The following SIPA1L1 variants were observed in gnomAD, a reference collection of about 807,000 sequenced individuals.
SIPA1L1 encodes the protein signal induced proliferation associated 1 like 1.
In SIPA1L1, 26 loss-of-function variants were observed where a neutral mutation model predicts 162.7. The ratio of observed to expected loss-of-function variants is 0.16; its 90% CI spans 0.12 to 0.22. SIPA1L1 has a LOEUF of 0.22. Ranked by LOEUF, SIPA1L1 falls within the 10% of genes least tolerant of loss-of-function variation. SIPA1L1 has a pLI of 1.00. For synonymous variants in SIPA1L1, 829 were observed against 837.4 expected, an observed-to-expected ratio of 0.99 and a Z score of 0.17; for missense variants, 1,874 against 2,241.0, an observed-to-expected ratio of 0.84 and a Z score of 3.31.
rs148958695 is a variant in SIPA1L1 at position 71,588,042 on chromosome 14, C to T, written c.170C>T (p.Pro57Leu). ...GSSVMAPVGP[P>L]RSEGSHHITS... ...TCAGTTATGGCTCCTGTAGGACCCCCCCGAAGTGAAGGTTCTCACCATATA... is the reference window on the plus strand; with the variant it reads ...TCAGTTATGGCTCCTGTAGGACCCCTCCGAAGTGAAGGTTCTCACCATATA... The change falls in exon 5 of 24, where the codon CCC (proline) becomes CTC (leucine). Residue 57 changes from proline (P) to leucine (L), a missense_variant. Pro to Leu is a moderately conservative substitution (Grantham distance 98). This residue lies in a region of SIPA1L1 where 685 missense variants were observed against 828.0 expected (regional missense o/e 0.83). Coordinates refer to ENST00000381232, the MANE Select transcript of SIPA1L1 (RefSeq NM_001386936.1). The surrounding 1 kb of genome is among the most constrained non-coding windows in gnomAD (Gnocchi z 4.3). The T allele has an allele frequency of 1.2e-6, 2 of 1,613,998 alleles. No homozygotes were observed. Among genetic ancestry groups the T allele is most frequent in the South Asian group, 1.1e-5 (1 of 91,088 alleles).
chr14:71,550,685 T>G (rs1277897276), intron 4 of SIPA1L1, among the ~76,000 whole-genome samples: 1 of 152,106 alleles, frequency 6.6e-6, no homozygotes, highest in Non-Finnish European at 1.5e-5. Flanking sequence ...TGTTCCTAAC[T>G]CTGCTTATCC....
chr14:71,624,374 C>T (rs182312332), intron 7 of SIPA1L1, 138 bp downstream of exon 7: 8 of 719,350 alleles, frequency 1.1e-5, no homozygotes, highest in Non-Finnish European at 4.2e-6. Flanking sequence ...TGCAATTACT[C>T]ATTTTGTTTT....
chr14:71,326,553 G>A (rs2033827159), intron 2 of SIPA1L1, among the ~76,000 whole-genome samples: 2 of 151,938 alleles, frequency 1.3e-5, no homozygotes, highest in African/African-American at 4.8e-5. Context: ...TCAGAAAGAA[G>A]CTATTGAGAA....
chr14:71,464,915 CA>C (rs1567059057), intron 2 of SIPA1L1, among the ~76,000 whole-genome samples: 1 of 152,160 alleles, frequency 6.6e-6, no homozygotes, highest in East Asian at 1.9e-4. Context: ...TAGAAGCAAA[CA>C]GGGGTGTTGA....
chr14:71,433,397 G>A lies in SIPA1L1; in HGVS notation c.-464-79346G>A, dbSNP rs553263401. Among the ~76,000 whole-genome samples the A allele has an allele frequency of 4.6e-5, 7 of 152,236 alleles. No individual in the cohort carries two copies. In the South Asian group the frequency reaches 1.5e-3, roughly 32 times the overall value. On this transcript the variant is annotated intron_variant, in intron 2 of 23. Transcript: ENST00000381232. Reference sequence around the variant, plus strand: ...AGTAGTGCAATCACAGTTCACCATGGCCTCAACCTCTCGGGCTCAAGCAAT... The same window carrying A: ...AGTAGTGCAATCACAGTTCACCATGACCTCAACCTCTCGGGCTCAAGCAAT...
chr14:71,546,665 T>C (rs1178545189), intron 4 of SIPA1L1, among the ~76,000 whole-genome samples: 1 of 152,204 alleles, frequency 6.6e-6, no homozygotes, highest in Non-Finnish European at 1.5e-5. Context: ...AATGAATTCC[T>C]TTTTTAATGA....
intron 13 of SIPA1L1, among the ~76,000 whole-genome samples, chr14:71,692,448 G>A (rs966604642): frequency 6.6e-6 from 1 of 152,206 alleles, no homozygotes; most frequent in Non-Finnish European, 1.5e-5. Context: ...AGGGAGAAAA[G>A]CAGAGGGCCG....
chr14:71,641,914 C>G (rs2041753044), intron 7 of SIPA1L1, among the ~76,000 whole-genome samples: 1 of 152,090 alleles, frequency 6.6e-6, no homozygotes, highest in Admixed American at 6.5e-5. Flanking sequence ...AAAGAGGAAC[C>G]AGGAGCTATT....
chr14:71,437,467 G>C (rs940160733), intron 2 of SIPA1L1, among the ~76,000 whole-genome samples: 2 of 152,126 alleles, frequency 1.3e-5, no homozygotes, highest in Non-Finnish European at 2.9e-5. Flanking sequence ...TCTGTGGTTC[G>C]AGGTATTTCG....
At chr14:71,447,788 C>T (rs946324142) in intron 2 of SIPA1L1, among the ~76,000 whole-genome samples, 2 of 151,912 alleles carry the variant, frequency 1.3e-5, no homozygotes, top group African/African-American at 2.4e-5. Flanking sequence ...AGGCTGGTCT[C>T]GAACTCCTGA....
chr14:71,346,965 T>G (rs1239845927), intron 2 of SIPA1L1, among the ~76,000 whole-genome samples: 2 of 152,018 alleles, frequency 1.3e-5, no homozygotes, highest in African/African-American at 4.8e-5. Flanking sequence ...GTCTTTTTTT[T>G]TTTTTTGAGA....
chr14:71,627,103 T>C (rs1351224170), intron 7 of SIPA1L1, among the ~76,000 whole-genome samples: 3 of 143,302 alleles, frequency 2.1e-5, no homozygotes, highest in Non-Finnish European at 4.6e-5. Context: ...ACATTCTCCA[T>C]CCTGATGCCT....
chr14:71,337,240 T>C (rs1472987033), intron 2 of SIPA1L1, among the ~76,000 whole-genome samples: 1 of 152,240 alleles, frequency 6.6e-6, no homozygotes, highest in Non-Finnish European at 1.5e-5. Context: ...CGTCCTATTC[T>C]GATTTTCGAA....
intron 2 of SIPA1L1, among the ~76,000 whole-genome samples, chr14:71,335,203 G>A (rs1169250008): frequency 6.6e-6 from 1 of 152,210 alleles, no homozygotes; most frequent in Non-Finnish European, 1.5e-5. Flanking sequence ...GGCAGGCTGA[G>A]GTAGGAGAAT....
chr14:71,439,109 G>A (rs1025682603), intron 2 of SIPA1L1, among the ~76,000 whole-genome samples: 1 of 152,234 alleles, frequency 6.6e-6, no homozygotes, highest in South Asian at 2.1e-4. Flanking sequence ...TCTAACCCAG[G>A]AAGACCTCAT....
chr14:71,450,574 A>T (rs2045739657), intron 2 of SIPA1L1, among the ~76,000 whole-genome samples: 1 of 152,182 alleles, frequency 6.6e-6, no homozygotes, highest in African/African-American at 2.4e-5. Flanking sequence ...TCAACTTCGG[A>T]GCCATAAAAA....
chr14:71,360,108 ACTAAT>A (rs754907406), intron 2 of SIPA1L1, among the ~76,000 whole-genome samples: 1 of 152,206 alleles, frequency 6.6e-6, no homozygotes. Context: ...GTACATTTCT[ACTAAT>A]CTAAACTTTT....
At chr14:71,349,213 A>G (rs1479757201) in intron 2 of SIPA1L1, among the ~76,000 whole-genome samples, 1 of 152,350 alleles carries the variant, frequency 6.6e-6, no homozygotes, top group Middle Eastern at 3.4e-3. Flanking sequence ...GGAATGATCT[A>G]ATGGTAATAA....
intron 2 of SIPA1L1, among the ~76,000 whole-genome samples, chr14:71,498,674 A>G (rs1414434511): frequency 6.6e-6 from 1 of 152,194 alleles, no homozygotes; most frequent in Non-Finnish European, 1.5e-5. Flanking sequence ...AATTATATGG[A>G]TGCTGTTGAA....
Sources: allele counts gnomAD v4.1 joint callset (sites outside exome capture counted in the v4.1 genomes callset), GRCh38; gene constraint gnomAD v4.1.1; regional missense constraint gnomAD v4.1.1; non-coding constraint Gnocchi (gnomAD v3.1); transcripts MANE v1.5; gene names NCBI Gene and HGNC (gene_info 2026-07-23, HGNC 2026-07-21).